The following PTH2R variants were observed in gnomAD, a reference collection of about 807,000 sequenced individuals.
PTH2R encodes the protein PTH2 receptor.
Under a neutral mutation model 60.3 loss-of-function variants are expected in PTH2R, and 59 were observed. That is an observed-to-expected ratio of 0.98 (90% CI 0.79 to 1.22). The LOEUF is 1.22. Among genes scored for constraint, PTH2R ranks in the 50% most tolerant of loss-of-function variants. The pLI is 0.00. For synonymous variants in PTH2R, 256 were observed against 243.8 expected (o/e 1.05, Z -0.47); for missense variants, 749 against 682.6 (o/e 1.10, Z -1.08).
chr2:208,492,902 G>T (rs564556619), intron 12 of PTH2R, among the ~76,000 whole-genome samples: 1 of 152,146 alleles, frequency 6.6e-6, no homozygotes, highest in Non-Finnish European at 1.5e-5. Context: ...TGCCACGCGA[G>T]AGTTCTGAAG....
intron 9 of PTH2R, among the ~76,000 whole-genome samples, chr2:208,468,472 A>G (rs988224890): frequency 2.0e-5 from 3 of 152,158 alleles, no homozygotes; most frequent in Admixed American, 1.3e-4. Context: ...AATAAAATCT[A>G]ACATCTCTGA....
At chr2:208,378,199 T>C (rs1354460788) in intron 1 of PTH2R, among the ~76,000 whole-genome samples, 5 of 151,532 alleles carry the variant, frequency 3.3e-5, no homozygotes, top group African/African-American at 9.7e-5. Flanking sequence ...AGCGAAACCC[T>C]GTCTCCACCA....
At chr2:208,433,175 G>A (rs1702006601) in intron 2 of PTH2R, among the ~76,000 whole-genome samples, 1 of 152,214 alleles carries the variant, frequency 6.6e-6, no homozygotes. Context: ...TCTAAAATTT[G>A]TGAAGATGTG....
intron 9 of PTH2R, among the ~76,000 whole-genome samples, chr2:208,477,084 T>C (rs1161951697): frequency 6.6e-6 from 1 of 152,208 alleles, no homozygotes; most frequent in Non-Finnish European, 1.5e-5. Flanking sequence ...AGCACGCATA[T>C]CTCATTTGCC....
At chr2:208,434,946 TA>T in intron 2 of PTH2R, among the ~76,000 whole-genome samples, 1 of 152,358 alleles carries the variant, frequency 6.6e-6, no homozygotes, top group Non-Finnish European at 1.5e-5. Context: ...CTGTGATATG[TA>T]AAGCTCGGGC....
intron 8 of PTH2R, among the ~76,000 whole-genome samples, chr2:208,459,636 C>T (rs1262987024): frequency 6.6e-6 from 1 of 152,084 alleles, no homozygotes; most frequent in Non-Finnish European, 1.5e-5. Flanking sequence ...ACATGGTTGA[C>T]TCTCGTCACA....
chr2:208,388,426 G>A (rs144201048), intron 1 of PTH2R, among the ~76,000 whole-genome samples: 3 of 152,086 alleles, frequency 2.0e-5, no homozygotes, highest in South Asian at 2.1e-4. Context: ...CTTCGGTGAC[G>A]TTCCACACTA....
chr2:208,430,622 C>T (rs1701951945), intron 2 of PTH2R, among the ~76,000 whole-genome samples: 1 of 151,398 alleles, frequency 6.6e-6, no homozygotes, highest in South Asian at 2.1e-4. Context: ...TCTTGGCTCA[C>T]TGCAAGCTCC....
At chr2:208,459,083 G>T (rs1243692849) in intron 8 of PTH2R, among the ~76,000 whole-genome samples, 1 of 151,870 alleles carries the variant, frequency 6.6e-6, no homozygotes, top group African/African-American at 2.4e-5. Context: ...AGCATATAAG[G>T]GTTCCCTTTT....
At chr2:208,453,267 T>C (rs969129819) in intron 8 of PTH2R, among the ~76,000 whole-genome samples, 2 of 152,240 alleles carry the variant, frequency 1.3e-5, no homozygotes, top group African/African-American at 4.8e-5. Context: ...TTGTATTGCA[T>C]GTATACATGC....
At chr2:208,382,665 G>C (rs535474025) in intron 1 of PTH2R, among the ~76,000 whole-genome samples, 1 of 152,290 alleles carries the variant, frequency 6.6e-6, no homozygotes, top group Non-Finnish European at 1.5e-5. Context: ...TCTGTTTTTG[G>C]ACCCTTTTCT....
intron 1 of PTH2R, among the ~76,000 whole-genome samples, chr2:208,381,075 A>G (rs1258645876): frequency 1.3e-5 from 2 of 152,140 alleles, no homozygotes; most frequent in East Asian, 1.9e-4. Flanking sequence ...CTTTTCGCAT[A>G]TGTTATATAT....
chr2:208,447,707 T>G (rs1026732978), intron 7 of PTH2R, among the ~76,000 whole-genome samples: 1 of 151,638 alleles, frequency 6.6e-6, no homozygotes, highest in Non-Finnish European at 1.5e-5. Context: ...TTTACTAAAT[T>G]AAGGACAAAT....
chr2:208,443,463 G>A lies in PTH2R; in HGVS notation c.625G>A (p.Glu209Lys). The change falls in exon 6 of 13, where the codon GAG becomes AAG. Residue 209 changes from glutamate (E) to lysine (K), a missense_variant. Physicochemically the swap from Glu to Lys is moderately conservative, Grantham distance 56. Transcript: ENST00000272847. ...AGTCCATGCTCACATAGGAGTAAAG[G>A]AGCTGGAGTCCCTAATAATGCAGGA... ...RVVHAHIGVK[E>K]LESLIMQDDP... is the part of the protein sequence containing the mutation. The A allele has an allele frequency of 1.2e-6, 2 of 1,613,870 alleles. No homozygotes were observed. Among genetic ancestry groups the A allele is most frequent in the South Asian group, 1.1e-5 (1 of 91,010 alleles).
At chr2:208,387,305 G>A (rs1701019764) in intron 1 of PTH2R, among the ~76,000 whole-genome samples, 1 of 152,140 alleles carries the variant, frequency 6.6e-6, no homozygotes, top group Non-Finnish European at 1.5e-5. Flanking sequence ...GATTGTATGG[G>A]TAAAACATGG....
chr2:208,416,634 A>G (rs1701646995), intron 1 of PTH2R, among the ~76,000 whole-genome samples: 1 of 152,212 alleles, frequency 6.6e-6, no homozygotes, highest in Non-Finnish European at 1.5e-5. Flanking sequence ...TATACAAAGT[A>G]TTGATCCTGT....
chr2:208,442,531 T>A (rs1702207866), intron 5 of PTH2R, 70 bp downstream of exon 5: 3 of 1,196,422 alleles, frequency 2.5e-6, no homozygotes, highest in Non-Finnish European at 3.7e-6. Flanking sequence ...GACATAGCGG[T>A]CTCACAATAT....
chr2:208,464,676 C>T (rs1048179317), intron 9 of PTH2R, among the ~76,000 whole-genome samples: 2 of 152,090 alleles, frequency 1.3e-5, no homozygotes, highest in African/African-American at 4.8e-5. Flanking sequence ...GCAGGCTAGG[C>T]TTGGGCAAGT....
At chr2:208,455,213 G>A (rs1248603570) in intron 8 of PTH2R, among the ~76,000 whole-genome samples, 1 of 152,186 alleles carries the variant, frequency 6.6e-6, no homozygotes, top group Non-Finnish European at 1.5e-5. Flanking sequence ...ATTTACATGG[G>A]AGGGAAGTTG....
Sources: gnomAD v4.1 joint callset for allele counts (sites outside exome capture counted in the v4.1 genomes callset) on GRCh38, gnomAD v4.1.1 for gene constraint, MANE v1.5 for transcripts, NCBI Gene and HGNC (gene_info 2026-07-23, HGNC 2026-07-21) for gene names.